GABPB1: variants seen among roughly 807,000 people sequenced by gnomAD.
The protein encoded by GABPB1 is GA-binding protein subunit beta-1.
In GABPB1, 15 loss-of-function variants were observed where a neutral mutation model predicts 45.9. The ratio of observed to expected loss-of-function variants is 0.33; its 90% CI spans 0.22 to 0.50. The LOEUF (loss-of-function observed/expected upper bound fraction) is 0.50, where lower values mean the gene tolerates loss of function less well. GABPB1 is among the 20% of genes least tolerant of loss of function. GABPB1 has a pLI of 0.98. For missense variants in GABPB1, 252 were observed against 457.5 expected (o/e 0.55, Z 4.10); for synonymous variants, 143 against 154.4 (o/e 0.93, Z 0.55).
chr15:50,339,731 T>G (rs371294699), intron 1 of GABPB1, among the ~76,000 whole-genome samples: 3 of 152,312 alleles, frequency 2.0e-5, no homozygotes, highest in Admixed American at 6.5e-5. Context: ...AATATTCATG[T>G]TTAAGATAAG....
chr15:50,341,399 G>C (rs930268984), intron 1 of GABPB1, among the ~76,000 whole-genome samples: 5 of 152,110 alleles, frequency 3.3e-5, no homozygotes, highest in South Asian at 2.1e-4. Flanking sequence ...AGGCATGGCG[G>C]TGCATGCCTG....
At chr15:50,307,717 G>A (rs950320324) in intron 2 of GABPB1, among the ~76,000 whole-genome samples, 6 of 137,114 alleles carry the variant, frequency 4.4e-5, no homozygotes, top group Non-Finnish European at 8.1e-5. Context: ...AAAAAAAAAA[G>A]ATCTTTTTGT....
intron 1 of GABPB1, among the ~76,000 whole-genome samples, chr15:50,321,822 G>A (rs1372768775): frequency 6.6e-6 from 1 of 151,932 alleles, no homozygotes; most frequent in African/African-American, 2.4e-5. Context: ...TTTTTTAAAT[G>A]TAATCTAAAT....
chr15:50,287,920 A>C (rs965023258), intron 7 of GABPB1, among the ~76,000 whole-genome samples: 15 of 152,142 alleles, frequency 9.9e-5, no homozygotes, highest in Non-Finnish European at 1.2e-4. Context: ...CTTTCTTGAA[A>C]TCTGGTCTCT....
chr15:50,328,358 C>A (rs1303526629), intron 1 of GABPB1, among the ~76,000 whole-genome samples: 1 of 152,054 alleles, frequency 6.6e-6, no homozygotes, highest in Non-Finnish European at 1.5e-5. Context: ...CGTTTTTCTC[C>A]CTCATGACAT....
intron 1 of GABPB1, among the ~76,000 whole-genome samples, chr15:50,321,889 T>C (rs983349490): frequency 3.3e-5 from 5 of 152,222 alleles, no homozygotes; most frequent in African/African-American, 1.2e-4. Context: ...TAAGTCAGCC[T>C]TGTTGTAACA....
At chr15:50,349,065 A>G (rs1331156556) in intron 1 of GABPB1, 1 of 152,156 alleles carries the variant, frequency 6.6e-6, no homozygotes, top group Non-Finnish European at 1.5e-5. Context: ...CTTATCTTCA[A>G]TTCCAAAAAT....
intron 1 of GABPB1, among the ~76,000 whole-genome samples, chr15:50,322,091 T>C (rs1408200894): frequency 2.0e-5 from 3 of 152,174 alleles, no homozygotes; most frequent in African/African-American, 4.8e-5. Context: ...AGAATTACTC[T>C]TGGACCTGCC....
chr15:50,323,797 A>T (rs1450108848), intron 1 of GABPB1, among the ~76,000 whole-genome samples: 2 of 152,174 alleles, frequency 1.3e-5, no homozygotes, highest in African/African-American at 4.8e-5. Flanking sequence ...GCTTAAGCCC[A>T]GAAGTTTGAG....
chr15:50,343,949 C>T (rs1158401634), intron 1 of GABPB1, among the ~76,000 whole-genome samples: 1 of 152,188 alleles, frequency 6.6e-6, no homozygotes, highest in Admixed American at 6.5e-5. Context: ...TACTTTTATT[C>T]CTTTTCATTT....
At chr15:50,343,667 T>C (rs886914436) in intron 1 of GABPB1, among the ~76,000 whole-genome samples, 1 of 151,976 alleles carries the variant, frequency 6.6e-6, no homozygotes, top group Non-Finnish European at 1.5e-5. Flanking sequence ...GCCTCCCGAG[T>C]GGCTGGGACT....
intron 1 of GABPB1, among the ~76,000 whole-genome samples, chr15:50,327,985 C>A: frequency 6.7e-6 from 1 of 148,342 alleles, no homozygotes; most frequent in Non-Finnish European, 1.5e-5. Flanking sequence ...AACACATAAA[C>A]AAGGAAAGAA....
intron 1 of GABPB1, among the ~76,000 whole-genome samples, chr15:50,326,876 T>C (rs1217380919): frequency 6.6e-6 from 1 of 151,724 alleles, no homozygotes; most frequent in African/African-American, 2.4e-5. Context: ...ACATGATGAA[T>C]TGCCCCTGTT....
At chr15:50,331,688 A>C (rs1483259805) in intron 1 of GABPB1, among the ~76,000 whole-genome samples, 1 of 152,154 alleles carries the variant, frequency 6.6e-6, no homozygotes, top group African/African-American at 2.4e-5. Flanking sequence ...TACATAGTGG[A>C]AAGCAAGAAC....
intron 1 of GABPB1, among the ~76,000 whole-genome samples, chr15:50,312,071 G>A (rs74012336): frequency 0.076 from 11,620 of 152,090 alleles, 1,347 homozygotes; most frequent in African/African-American, 0.25. Flanking sequence ...ATGGCAAGGC[G>A]CAGCAGCTTA....
intron 4 of GABPB1, 125 bp downstream of exon 4, chr15:50,302,804 C>T: frequency 1.5e-6 from 1 of 649,442 alleles, no homozygotes; most frequent in South Asian, 2.1e-5. Context: ...AAAGGCCTAT[C>T]CAAAATAACT....
intron 8 of GABPB1, chr15:50,285,800 A>C: frequency 8.0e-7 from 1 of 1,248,602 alleles, no homozygotes; most frequent in Non-Finnish European, 1.0e-6. Context: ...TTAAAACATA[A>C]AGGATGAAGT....
rs577357343 is a variant in GABPB1, at chr15:50,275,786, G to C, written c.*2846C>G. On this transcript the variant is annotated 3_prime_UTR_variant, in exon 9 of 9. Transcript: ENST00000380877. ...ACAAGTCCTTTTGTGAAGTAATTAA[G>C]ATATAAATAAAATAAATAACAATAA... is the stretch of plus-strand genomic sequence containing the variant. 2 of 152,128 alleles carry C rather than the reference G, an allele frequency of 1.3e-5. No homozygotes were observed. Among genetic ancestry groups the C allele is most frequent in the Admixed American group, 1.3e-4 (2 of 15,266 alleles). The allele number at this position is 152,128 out of a possible 1,614,324, so 9.4% of individuals were successfully genotyped here.
intron 1 of GABPB1, chr15:50,354,498 G>A: frequency 2.2e-6 from 1 of 449,360 alleles, no homozygotes; most frequent in Non-Finnish European, 4.5e-6. Flanking sequence ...GAGCCCGGCG[G>A]GGCCGTCAGG....
Sources: allele counts gnomAD v4.1 joint callset (sites outside exome capture counted in the v4.1 genomes callset), GRCh38; gene constraint gnomAD v4.1.1; transcripts MANE v1.5; gene names NCBI Gene and HGNC (gene_info 2026-07-23, HGNC 2026-07-21).